EMC3: variants seen among roughly 807,000 people sequenced by gnomAD.
EMC3 encodes the protein ER membrane protein complex subunit 3.
In EMC3, 13 loss-of-function variants were observed where a neutral mutation model predicts 36.6. That is an observed-to-expected ratio of 0.35 (90% CI 0.23 to 0.56). The LOEUF is 0.56. Ranked by LOEUF, EMC3 falls within the 20% of genes least tolerant of loss-of-function variation. The pLI is 0.84. For synonymous variants in EMC3, 120 were observed against 111.9 expected (o/e 1.07, Z -0.46); for missense variants, 220 against 324.5 (o/e 0.68, Z 2.47).
rs889240427 is a variant in EMC3, at chr3:9,970,632, T to C, written c.524A>G (p.Asn175Ser). Residue 175 changes from asparagine (N) to serine (S), a missense_variant, in exon 6 of 8, where the codon AAT becomes AGT. Around this residue, in one of 3 missense-constraint regions of EMC3, gnomAD observed 56 missense variants for 117.0 expected, o/e 0.48. Transcript: ENST00000245046. ...WVSSASWYFL[N>S]VFGLRSIYSL... ...GTAAATGCTCCGAAGCCCAAATACA[T>C]TGAGGAAGTACCAGGATGCAGAACT... The C allele has an allele frequency of 6.2e-7, 1 of 1,613,968 alleles. No homozygotes were observed. The highest frequency in any genetic ancestry group is 8.5e-7 in the Non-Finnish European group (1 of 1,180,024).
intron 1 of EMC3, among the ~76,000 whole-genome samples, chr3:9,985,882 G>A (rs1484364590): frequency 6.6e-6 from 1 of 152,108 alleles, no homozygotes; most frequent in Non-Finnish European, 1.5e-5. Flanking sequence ...CAACGAGAGC[G>A]AAACTCCGTC....
At chr3:9,999,294 T>G (rs1389740353) in intron 1 of EMC3, among the ~76,000 whole-genome samples, 1 of 151,224 alleles carries the variant, frequency 6.6e-6, no homozygotes, top group Admixed American at 6.6e-5. Flanking sequence ...CAGGCTGGAG[T>G]GCAGTGGTAC....
At chr3:9,966,002 A>C (rs1165727512) in intron 7 of EMC3, among the ~76,000 whole-genome samples, 1 of 152,208 alleles carries the variant, frequency 6.6e-6, no homozygotes, top group Non-Finnish European at 1.5e-5. Context: ...GTGTGGACAT[A>C]CATTTTCAGT....
In EMC3 at chr3:9,994,374, C is replaced by G. The variant is rs369434491; in HGVS notation, c.-241-7472G>C. ...AGGAGGGAACAGAGGAAGGAAGAAT[C>G]ATCTAATGCTTATTTTTTGTTGGTT... is the stretch of plus-strand genomic sequence containing the variant. On this transcript the variant is annotated intron_variant, in intron 1 of 8. Coordinates refer to the EMC3 transcript ENST00000470827. 4 of 514,336 alleles carry G rather than the reference C, an allele frequency of 7.8e-6. No homozygotes were observed. The East Asian group carries it at 1.7e-4, about 22-fold the overall frequency. The allele number at this position is 514,336 out of a possible 1,614,324, so 31.9% of individuals were successfully genotyped here.
At chr3:9,991,860 T>C (rs6763366) in intron 1 of EMC3, among the ~76,000 whole-genome samples, 34,268 of 152,106 alleles carry the variant, frequency 0.23, 4,472 homozygotes, top group African/African-American at 0.36. Flanking sequence ...ACTGTTCAAC[T>C]TTAGATCATC....
chr3:9,978,933 T>C (rs2085880374), intron 1 of EMC3, among the ~76,000 whole-genome samples: 1 of 152,190 alleles, frequency 6.6e-6, no homozygotes, highest in Admixed American at 6.5e-5. Context: ...ACCCCGGGGT[T>C]TCCCCTGTCA....
At chr3:9,967,966 G>A (rs2124899656) in intron 7 of EMC3, among the ~76,000 whole-genome samples, 1 of 152,322 alleles carries the variant, frequency 6.6e-6, no homozygotes, top group Non-Finnish European at 1.5e-5. Context: ...TCTGTCACCA[G>A]GCTGGAGTCT....
intron 1 of EMC3, among the ~76,000 whole-genome samples, chr3:9,982,404 C>G (rs2085921474): frequency 6.6e-6 from 1 of 151,980 alleles, no homozygotes; most frequent in African/African-American, 2.4e-5. Flanking sequence ...CAGGCGCGTC[C>G]CACCATGCTC....
rs113761005 is a variant in EMC3, at chr3:9,978,843, AAAAC to A, written c.156-1401_156-1398del. Among the ~76,000 whole-genome samples, 824 of 94,138 alleles carry A rather than the reference AAAAC, an allele frequency of 8.8e-3. 7 individuals are homozygous for A. The highest frequency in any genetic ancestry group is 0.04 in the African/African-American group (718 of 17,842). 61.8% of individuals were successfully genotyped at this position (94,138 alleles called of 152,430 possible). ...CATCTCAAAAAAACAACAACAACAA[AAAAC>A]AAACAAACAAACAAAAAAACTGTGC... On this transcript the variant is annotated intron_variant, in intron 1 of 7. Coordinates refer to ENST00000245046, the MANE Select transcript of EMC3 (RefSeq NM_001394674.1).
At chr3:9,968,308 T>C (rs2085752076) in intron 7 of EMC3, among the ~76,000 whole-genome samples, 1 of 152,274 alleles carries the variant, frequency 6.6e-6, no homozygotes, top group Non-Finnish European at 1.5e-5. Flanking sequence ...TCATTTCCAA[T>C]TCTTCATTAC....
upstream of EMC3, chr3:9,986,906 G>C: frequency 7.7e-7 from 1 of 1,303,638 alleles, no homozygotes. Flanking sequence ...GTCGGGCCTG[G>C]CGGGAAAGTG....
In EMC3 at chr3:9,969,799, C is replaced by T. The variant is rs777407649; in HGVS notation, c.577G>A (p.Ala193Thr). The change falls in exon 7 of 8, where the codon GCT (alanine) becomes ACT (threonine). Residue 193 changes from alanine (A) to threonine (T), a missense_variant and splice_region_variant. Physicochemically the swap from Ala to Thr is moderately conservative, Grantham distance 58. Around this residue, in one of 3 missense-constraint regions of EMC3, gnomAD observed 56 missense variants for 117.0 expected, o/e 0.48. Coordinates refer to ENST00000245046, the MANE Select transcript of EMC3 (RefSeq NM_001394674.1). ...TCCTGCATCATTCGTGATTGGTCAG[C>T]GGCTGTAGCATAAGACACACTTACA... ...YSLILGQDNA[A>T]DQSRMMQEQM... 2.5e-6 allele frequency: 4 copies of T among 1,613,030 alleles called. No homozygotes were observed. The highest frequency in any genetic ancestry group is 2.2e-5 in the South Asian group (2 of 90,996).
chr3:9,976,944 G>A lies in EMC3; in HGVS notation c.307+13C>T, dbSNP rs1166744047. On this transcript the variant is annotated intron_variant, in intron 3 of 7. Transcript: ENST00000245046. ...AAATCTTCCTTAAAGATGAGTGAAG[G>A]GAACAAACATACCAGTCATAGGAGA... 2 of 1,593,326 alleles carry A rather than the reference G, an allele frequency of 1.3e-6. No homozygotes were observed. Among genetic ancestry groups the A allele is most frequent in the Non-Finnish European group, 1.7e-6 (2 of 1,168,916 alleles).
chr3:9,991,935 G>A (rs1324607729), intron 1 of EMC3, among the ~76,000 whole-genome samples: 4 of 152,200 alleles, frequency 2.6e-5, no homozygotes, highest in Admixed American at 2.6e-4. Context: ...AGTTCACAAT[G>A]GGGTTTGCGC....
At chr3:9,984,880 G>A (rs542560399) in intron 1 of EMC3, among the ~76,000 whole-genome samples, 4 of 152,328 alleles carry the variant, frequency 2.6e-5, no homozygotes, top group East Asian at 3.9e-4. Context: ...TCTTCTCAAC[G>A]AACGGGTGGG....
intron 1 of EMC3, among the ~76,000 whole-genome samples, chr3:9,981,299 T>C (rs1366047553): frequency 6.6e-6 from 1 of 152,188 alleles, no homozygotes; most frequent in Non-Finnish European, 1.5e-5. Flanking sequence ...TCCCAGGCAG[T>C]GTAATCAAGA....
At position 9,970,441 on chromosome 3, in the gene EMC3, A is replaced by C. The variant is rs965132191; in HGVS notation, c.574+141T>G. ...CCCCCGGAATTTTTAAGACTCTTTC[A>C]GAATACCTCAGAAACTTAAGGAAGG... On this transcript the variant is annotated intron_variant, in intron 6 of 7. Transcript: ENST00000245046. The C allele has an allele frequency of 6.3e-6, 6 of 947,216 alleles. No individual in the cohort carries two copies. The African/African-American group carries it at 9.7e-5, about 15-fold the overall frequency. The allele number at this position is 947,216 out of a possible 1,614,324, so 58.7% of individuals were successfully genotyped here.
intron 1 of EMC3, among the ~76,000 whole-genome samples, chr3:9,997,315 C>G (rs1376474913): frequency 6.6e-6 from 1 of 151,982 alleles, no homozygotes; most frequent in Non-Finnish European, 1.5e-5. Context: ...CGTGATCTAC[C>G]CGCCTCGCCC....
intron 1 of EMC3, chr3:9,994,207 C>A: frequency 6.3e-7 from 1 of 1,584,886 alleles, no homozygotes; most frequent in Non-Finnish European, 8.6e-7. Flanking sequence ...GATATGTGTT[C>A]ATCCATTATG....
Sources: gnomAD v4.1 joint callset for allele counts (sites outside exome capture counted in the v4.1 genomes callset) on GRCh38, gnomAD v4.1.1 for gene constraint, gnomAD v4.1.1 regional missense constraint, MANE v1.5 for transcripts, NCBI Gene and HGNC (gene_info 2026-07-23, HGNC 2026-07-21) for gene names.